TXK: variants seen among roughly 807,000 people sequenced by gnomAD.
TXK encodes TXK tyrosine kinase, also known as tyrosine-protein kinase TXK.
In TXK, 60 loss-of-function variants were observed where a neutral mutation model predicts 81.0. That is an observed-to-expected ratio of 0.74 (90% CI 0.60 to 0.92). The LOEUF (loss-of-function observed/expected upper bound fraction) is 0.92. Ranked by LOEUF, TXK falls within the 40% of genes least tolerant of loss-of-function variation. The pLI, the probability that TXK is intolerant of heterozygous loss-of-function variation, is 0.00. For synonymous variants in TXK, 203 were observed against 210.7 expected, an observed-to-expected ratio of 0.96 and a Z score of 0.32; for missense variants, 581 against 638.3, an observed-to-expected ratio of 0.91 and a Z score of 0.97.
intron 5 of TXK, among the ~76,000 whole-genome samples, chr4:48,105,419 G>T (rs75100390): frequency 1.3e-5 from 2 of 151,942 alleles, no homozygotes; most frequent in Admixed American, 1.3e-4. Flanking sequence ...AGTATATTAC[G>T]TCATAGTATA....
At chr4:48,094,800 A>T (rs1185090923) in intron 7 of TXK, among the ~76,000 whole-genome samples, 3 of 152,190 alleles carry the variant, frequency 2.0e-5, no homozygotes, top group Non-Finnish European at 4.4e-5. Context: ...CAGCCAGAGA[A>T]CATCCTCAGG....
rs2230594 is a variant in TXK, at chr4:48,067,679, G to C, written c.1542C>G (p.Ala514=). Residue 514 remains alanine, a synonymous_variant, in exon 15 of 15, where the codon GCC becomes GCG. Coordinates refer to ENST00000264316, the MANE Select transcript of TXK (RefSeq NM_003328.3). ...HEKPEGRPTF[A]ELLRAVTEIA... ...TCTCTGTGACAGCCCGCAGCAGCTC[G>C]GCAAATGTAGGGCGGCCTTCAGGTT... 830,384 of 1,611,770 alleles carry C rather than the reference G, an allele frequency of 0.52. 217,792 individuals are homozygous for C. Among genetic ancestry groups the C allele is most frequent in the Admixed American group, 0.65 (38,627 of 59,886 alleles).
intron 10 of TXK, among the ~76,000 whole-genome samples, chr4:48,080,906 T>G (rs543192825): frequency 6.6e-6 from 1 of 152,280 alleles, no homozygotes; most frequent in Non-Finnish European, 1.5e-5. Flanking sequence ...AAATGCATCT[T>G]GAAAAGTTAT....
At chr4:48,130,113 T>A (rs1441239552) in intron 1 of TXK, among the ~76,000 whole-genome samples, 1 of 152,180 alleles carries the variant, frequency 6.6e-6, no homozygotes, top group South Asian at 2.1e-4. Flanking sequence ...ACACATCTAG[T>A]GTCCATTTTA....
intron 6 of TXK, among the ~76,000 whole-genome samples, chr4:48,096,492 C>G (rs532632960): frequency 1.9e-3 from 294 of 152,184 alleles, no homozygotes; most frequent in Admixed American, 3.1e-3. Context: ...GCTCCTATCA[C>G]CTAAAGATTT....
intron 6 of TXK, among the ~76,000 whole-genome samples, chr4:48,096,304 A>G (rs1412735333): frequency 6.6e-6 from 1 of 152,234 alleles, no homozygotes; most frequent in African/African-American, 2.4e-5. Flanking sequence ...ATGAAAAAGT[A>G]AAGTTGAATG....
chr4:48,113,301 C>G lies in TXK; in HGVS notation c.80G>C (p.Arg27Thr). The G allele has an allele frequency of 6.2e-7, 1 of 1,604,372 alleles. No homozygotes were observed. The highest frequency in any genetic ancestry group is 8.5e-7 in the Non-Finnish European group (1 of 1,173,220). Residue 27 changes from arginine (R) to threonine (T), a missense_variant, in exon 3 of 15, where the codon AGA becomes ACA. Coordinates refer to ENST00000264316, the MANE Select transcript of TXK (RefSeq NM_003328.3). ...ATCTGTGCTCAGGCTTATCTGTGTTCTCATTTGTCTGACATTGAAAAGCAA... is the reference window on the plus strand; with the variant it reads ...ATCTGTGCTCAGGCTTATCTGTGTTGTCATTTGTCTGACATTGAAAAGCAA... ...CCCSVQKRQM[R>T]TQISLSTDEE...
intron 11 of TXK, among the ~76,000 whole-genome samples, chr4:48,077,633 T>C (rs1036580324): frequency 1.3e-5 from 2 of 152,064 alleles, no homozygotes; most frequent in Non-Finnish European, 2.9e-5. Context: ...ACTAGGAAAG[T>C]GAGCTAGGTG....
intron 1 of TXK, among the ~76,000 whole-genome samples, chr4:48,120,891 T>G (rs1718940695): frequency 6.6e-6 from 1 of 151,958 alleles, no homozygotes; most frequent in African/African-American, 2.4e-5. Context: ...AAAACTGCTC[T>G]TGTTAAGGTC....
At chr4:48,105,850 C>G (rs574557722) in intron 5 of TXK, among the ~76,000 whole-genome samples, 1 of 152,108 alleles carries the variant, frequency 6.6e-6, no homozygotes, top group African/African-American at 2.4e-5. Context: ...CCCTTTTCTG[C>G]CCCCAATCAT....
intron 4 of TXK, among the ~76,000 whole-genome samples, chr4:48,111,725 G>A (rs1718638538): frequency 6.6e-6 from 1 of 152,138 alleles, no homozygotes; most frequent in Non-Finnish European, 1.5e-5. Flanking sequence ...AGAAATCAAT[G>A]CCAGCCTTCT....
Position 48,114,386 on chromosome 4 carries a change from C to A in TXK, c.33G>T (p.Ser11=). 6.2e-7 allele frequency: 1 copy of A among 1,614,080 alleles called. No homozygotes were observed. Among genetic ancestry groups the A allele is most frequent in the Non-Finnish European group, 8.5e-7 (1 of 1,179,992 alleles). Residue 11 remains serine, a synonymous_variant, in exon 2 of 15, where the codon TCG becomes TCT. Coordinates refer to ENST00000264316, the MANE Select transcript of TXK (RefSeq NM_003328.3). ...AACAGCAACAGCAGCAACAGAAAAC[C>A]GACTGGATGGTGTTATCTGAAAAGC... MILSSYNTIQ[S]VFCCCCCCSV...
chr4:48,109,201 T>G (rs1189719911), intron 5 of TXK, among the ~76,000 whole-genome samples: 1 of 140,258 alleles, frequency 7.1e-6, no homozygotes, highest in Non-Finnish European at 1.5e-5. Context: ...TTTTCTGTCC[T>G]TTTTTTATAG....
At chr4:48,124,333 C>T (rs1456418646) in intron 1 of TXK, among the ~76,000 whole-genome samples, 1 of 152,184 alleles carries the variant, frequency 6.6e-6, no homozygotes, top group Admixed American at 6.5e-5. Context: ...CCAGGCATTG[C>T]CAAATGTTCC....
At chr4:48,119,641 T>C (rs955167631) in intron 1 of TXK, among the ~76,000 whole-genome samples, 1 of 149,760 alleles carries the variant, frequency 6.7e-6, no homozygotes, top group African/African-American at 2.5e-5. Context: ...AAAAATAAAA[T>C]AAATTACTAA....
intron 9 of TXK, among the ~76,000 whole-genome samples, chr4:48,088,346 T>A (rs1376343670): frequency 1.3e-5 from 2 of 152,232 alleles, no homozygotes; most frequent in Non-Finnish European, 2.9e-5. Flanking sequence ...AAATGTGCAC[T>A]TAACTTCATC....
intron 2 of TXK, among the ~76,000 whole-genome samples, chr4:48,114,046 A>G (rs556041303): frequency 4.6e-5 from 7 of 152,306 alleles, no homozygotes; most frequent in African/African-American, 1.4e-4. Context: ...AAGGGAAAAA[A>G]TACGTATTGG....
chr4:48,105,258 A>T (rs1362829986), intron 5 of TXK, among the ~76,000 whole-genome samples: 2 of 152,200 alleles, frequency 1.3e-5, no homozygotes, highest in Non-Finnish European at 2.9e-5. Context: ...GTGGTAAATC[A>T]TCTTGAACAA....
At chr4:48,087,319 A>T in intron 9 of TXK, among the ~76,000 whole-genome samples, 1 of 152,210 alleles carries the variant, frequency 6.6e-6, no homozygotes, top group East Asian at 1.9e-4. Context: ...CAATACCACC[A>T]TCTGCTGGAA....
Sources: gnomAD v4.1 joint callset for allele counts (sites outside exome capture counted in the v4.1 genomes callset) on GRCh38, gnomAD v4.1.1 for gene constraint, MANE v1.5 for transcripts, NCBI Gene and HGNC (gene_info 2026-07-23, HGNC 2026-07-21) for gene names.